Variants in ESR2 observed in about 807,000 individuals in gnomAD.
ESR2 encodes the protein estrogen receptor beta.
ESR2 carries 36 observed loss-of-function variants against 49.6 expected under a neutral mutation model. That is an observed-to-expected ratio of 0.73 (90% CI 0.56 to 0.96). The LOEUF is 0.96. Among genes scored for constraint, ESR2 ranks in the 40% least tolerant of loss-of-function variants. ESR2 has a pLI of 0.00. For missense variants in ESR2, 714 were observed against 693.0 expected (o/e 1.03, Z -0.34); for synonymous variants, 320 against 266.1 (o/e 1.20, Z -1.97).
At chr14:64,313,771 C>T (rs1243718767) in intron 1 of ESR2, among the ~76,000 whole-genome samples, 6 of 149,916 alleles carry the variant, frequency 4.0e-5, no homozygotes, top group East Asian at 1.9e-4. Context: ...CCCAGCTACT[C>T]GGGAGGCTGA....
intron 3 of ESR2, among the ~76,000 whole-genome samples, chr14:64,278,035 GTTC>G (rs1481907351): frequency 2.5e-4 from 38 of 151,818 alleles, no homozygotes; most frequent in Non-Finnish European, 4.9e-4. Flanking sequence ...AGGTCCAAAC[GTTC>G]TTAAGGGGTA....
chr14:64,267,368 A>G (rs1006543582), intron 4 of ESR2, among the ~76,000 whole-genome samples: 2 of 121,402 alleles, frequency 1.6e-5, no homozygotes, highest in African/African-American at 6.5e-5. Context: ...GTTTGAGAGA[A>G]TAACCAATAA....
Position 64,282,864 on chromosome 14 carries a change from T to C in ESR2, c.122A>G (p.His41Arg), listed in dbSNP as rs1384534720. The C allele has an allele frequency of 1.2e-6, 2 of 1,614,234 alleles. No individual in the cohort carries two copies. The highest frequency in any genetic ancestry group is 1.1e-5 in the South Asian group (1 of 91,086). The change falls in exon 2 of 9, where the codon CAT (histidine) becomes CGT (arginine). Residue 41 changes from histidine to arginine, a missense_variant. Physicochemically the swap from His to Arg is conservative, Grantham distance 29. Transcript: ENST00000341099. ...YIPSSYVDSH[H>R]EYPAMTFYSP... ...ATAGAATGTCATGGCTGGATATTCATGGTGGCTGTCTACATAGGAGGAAGG... is the reference window on the plus strand; with the variant it reads ...ATAGAATGTCATGGCTGGATATTCACGGTGGCTGTCTACATAGGAGGAAGG...
intron 1 of ESR2, among the ~76,000 whole-genome samples, chr14:64,302,279 C>T (rs964904893): frequency 3.3e-5 from 5 of 151,438 alleles, no homozygotes; most frequent in East Asian, 1.9e-4. Flanking sequence ...CTCTGTCTCC[C>T]GGGTTCATGC....
intron 1 of ESR2, among the ~76,000 whole-genome samples, chr14:64,336,942 T>C (rs1295750220): frequency 6.6e-6 from 1 of 152,216 alleles, no homozygotes; most frequent in African/African-American, 2.4e-5. Context: ...CTTGCCCTTT[T>C]AATTTACCTA....
chr14:64,264,302 A>G (rs1473533101), intron 4 of ESR2, among the ~76,000 whole-genome samples: 1 of 152,214 alleles, frequency 6.6e-6, no homozygotes, highest in Non-Finnish European at 1.5e-5. Context: ...AACATTGACT[A>G]GTTATAGTAG....
downstream of ESR2, chr14:64,227,407 A>AACTT: frequency 9.1e-7 from 1 of 1,093,512 alleles, no homozygotes; most frequent in Non-Finnish European, 1.3e-6. Flanking sequence ...CCACATAACT[A>AACTT]ACTTCAAAGT....
intron 1 of ESR2, among the ~76,000 whole-genome samples, chr14:64,308,339 T>A (rs1038888365): frequency 1.3e-5 from 2 of 152,178 alleles, no homozygotes; most frequent in Non-Finnish European, 2.9e-5. Flanking sequence ...AGGCATTTAG[T>A]GCTACAAGAC....
At chr14:64,284,072 G>A (rs1383980596) in intron 1 of ESR2, among the ~76,000 whole-genome samples, 1 of 151,612 alleles carries the variant, frequency 6.6e-6, no homozygotes, top group Non-Finnish European at 1.5e-5. Flanking sequence ...GACTATGGGT[G>A]CGCACCACTG....
intron 1 of ESR2, among the ~76,000 whole-genome samples, chr14:64,321,673 T>C (rs899264958): frequency 2.0e-5 from 3 of 152,118 alleles, no homozygotes; most frequent in East Asian, 3.8e-4. Flanking sequence ...AGGAGGCAAT[T>C]TGTAGAAAAG....
intron 1 of ESR2, among the ~76,000 whole-genome samples, chr14:64,292,045 T>C (rs2076880283): frequency 1.3e-5 from 2 of 152,150 alleles, no homozygotes; most frequent in Admixed American, 6.5e-5. Context: ...TAAACCACAA[T>C]AGAATCTAAA....
At chr14:64,290,941 A>G (rs866657139) in intron 1 of ESR2, among the ~76,000 whole-genome samples, 35 of 152,152 alleles carry the variant, frequency 2.3e-4, no homozygotes, top group African/African-American at 8.2e-4. Flanking sequence ...GGGTTTGAAT[A>G]GGGTAGGAGG....
chr14:64,260,579 C>T lies in ESR2; in HGVS notation c.822G>A (p.Glu274=). The T allele has an allele frequency of 6.2e-7, 1 of 1,607,450 alleles. No homozygotes were observed. The highest frequency in any genetic ancestry group is 8.5e-7 in the Non-Finnish European group (1 of 1,176,298). Reference sequence around the variant, plus strand: ...TGATCAGCACATGGGGCGGCTCAGCCTCCAGGAGGGTGAGCACTAGCTGCT... The same window carrying T: ...TGATCAGCACATGGGGCGGCTCAGCTTCCAGGAGGGTGAGCACTAGCTGCT... ...SPEQLVLTLL[E]AEPPHVLISR... is the part of the protein sequence containing the mutation. The change falls in exon 5 of 9, where the codon GAG becomes GAA. Residue 274 remains glutamate, a synonymous_variant. Transcript: ENST00000341099.
At chr14:64,238,863 G>A (rs1219984198) in intron 7 of ESR2, among the ~76,000 whole-genome samples, 1 of 152,056 alleles carries the variant, frequency 6.6e-6, no homozygotes, top group African/African-American at 2.4e-5. Context: ...TATCAGCTGG[G>A]AACAGCTGTG....
intron 7 of ESR2, among the ~76,000 whole-genome samples, chr14:64,248,133 GC>G (rs2075905293): frequency 6.6e-6 from 1 of 152,046 alleles, no homozygotes; most frequent in Non-Finnish European, 1.5e-5. Context: ...GGTCGGAACT[GC>G]AGTAAACCAT....
chr14:64,279,884 A>G (rs905305164), intron 3 of ESR2, 97 bp downstream of exon 3: 1 of 975,610 alleles, frequency 1.0e-6, no homozygotes, highest in African/African-American at 1.6e-5. Flanking sequence ...TTGTGTGCCA[A>G]ACAGGCCAGT....
At chr14:64,261,836 TCA>T (rs1399340369) in intron 4 of ESR2, among the ~76,000 whole-genome samples, 1 of 149,630 alleles carries the variant, frequency 6.7e-6, no homozygotes, top group Non-Finnish European at 1.5e-5. Context: ...ACTGCAGCCT[TCA>T]TCTCCTGGAC....
chr14:64,332,680 G>A (rs2077475539), intron 1 of ESR2, among the ~76,000 whole-genome samples: 1 of 150,918 alleles, frequency 6.6e-6, no homozygotes, highest in African/African-American at 2.4e-5. Context: ...GGCACCTGTA[G>A]TCCCAGCTAC....
chr14:64,243,396 A>G (rs189629070), intron 7 of ESR2, among the ~76,000 whole-genome samples: 1 of 152,316 alleles, frequency 6.6e-6, no homozygotes, highest in East Asian at 1.9e-4. Context: ...TGACACAGAC[A>G]TAAAGTGAGC....
Sources: gnomAD v4.1 joint callset for allele counts (sites outside exome capture counted in the v4.1 genomes callset) on GRCh38, gnomAD v4.1.1 for gene constraint, MANE v1.5 for transcripts, NCBI Gene and HGNC (gene_info 2026-07-23, HGNC 2026-07-21) for gene names.